The following NFIB variants were observed in gnomAD, a reference collection of about 807,000 sequenced individuals.
NFIB encodes the protein nuclear factor 1 B-type.
NFIB carries 11 observed loss-of-function variants against 61.5 expected under a neutral mutation model. The observed-to-expected ratio is 0.18, with a 90% CI of 0.11 to 0.30. The LOEUF is 0.30. Among genes scored for constraint, NFIB ranks in the 10% least tolerant of loss-of-function variants. NFIB has a pLI of 1.00. For synonymous variants in NFIB, 260 were observed against 216.5 expected (o/e 1.20, Z -1.76); for missense variants, 471 against 608.9 (o/e 0.77, Z 2.38).
At position 14,082,678 on chromosome 9, in the gene NFIB, T is replaced by TG. The variant is rs2032164310; in HGVS notation, c.*5630_*5631insC. ...GTAAACATTTTGCTGGTTTTTTTTT[T>TG]TTGTTTGTTTCTTTCTTGTTTTGCA... On this transcript the variant is annotated 3_prime_UTR_variant, in exon 11 of 11. Coordinates refer to ENST00000380953, the MANE Select transcript of NFIB (RefSeq NM_001190737.2). The TG allele has an allele frequency of 3.0e-5, 6 of 199,902 alleles. No individual in the cohort carries two copies. Among genetic ancestry groups the TG allele is most frequent in the East Asian group, 7.5e-5 (1 of 13,286 alleles). 12.4% of individuals were successfully genotyped at this position (199,902 alleles called of 1,614,324 possible).
At chr9:14,147,636 CTTTTTTT>C (rs34256054) in intron 5 of NFIB, among the ~76,000 whole-genome samples, 1 of 108,674 alleles carries the variant, frequency 9.2e-6, no homozygotes, top group Non-Finnish European at 1.7e-5. Flanking sequence ...TAAAATGATA[CTTTTTTT>C]TTTTTTTTTT....
chr9:14,324,913 A>G (rs2060735387), intron 1 of NFIB, among the ~76,000 whole-genome samples: 1 of 152,146 alleles, frequency 6.6e-6, no homozygotes, highest in Non-Finnish European at 1.5e-5. Flanking sequence ...AGCATGTCTT[A>G]GAGAAATTGG....
chr9:14,148,877 CT>C (rs2042570697), intron 5 of NFIB, among the ~76,000 whole-genome samples: 1 of 152,192 alleles, frequency 6.6e-6, no homozygotes, highest in Admixed American at 6.5e-5. Flanking sequence ...TTTTAACTCT[CT>C]TTTAAACATA....
chr9:14,221,484 G>C (rs2051668370), intron 2 of NFIB, among the ~76,000 whole-genome samples: 1 of 152,114 alleles, frequency 6.6e-6, no homozygotes, highest in Admixed American at 6.5e-5. Flanking sequence ...GAAAAACTGA[G>C]GCTCATGAGA....
At chr9:14,306,922 A>T in intron 2 of NFIB, 67 bp downstream of exon 2, 3 of 1,573,552 alleles carry the variant, frequency 1.9e-6, no homozygotes, top group Non-Finnish European at 2.6e-6. Context: ...CTCAAGCCAG[A>T]TACTCTGTCT....
the NFIB span, among the ~76,000 whole-genome samples, chr9:14,520,818 G>A: frequency 6.6e-6 from 1 of 152,204 alleles, no homozygotes; most frequent in African/African-American, 2.4e-5. Context: ...GGGTAAGGCT[G>A]CTTCATGAAT....
intron 2 of NFIB, among the ~76,000 whole-genome samples, chr9:14,189,260 T>G (rs1382079615): frequency 1.3e-5 from 2 of 152,186 alleles, no homozygotes; most frequent in Admixed American, 1.3e-4. Context: ...CTTTCTAATA[T>G]TTCATTGGCA....
At chr9:14,234,212 C>T (rs921754525) in intron 2 of NFIB, among the ~76,000 whole-genome samples, 4 of 152,052 alleles carry the variant, frequency 2.6e-5, no homozygotes, top group African/African-American at 7.3e-5. Context: ...GCATTCTCAG[C>T]ATCAAAAACC....
At chr9:14,183,394 T>C (rs1042402654) in intron 2 of NFIB, among the ~76,000 whole-genome samples, 2 of 150,564 alleles carry the variant, frequency 1.3e-5, no homozygotes, top group African/African-American at 5.0e-5. Context: ...GTCTGGTGTC[T>C]GGGAAAAAAA....
the NFIB span, among the ~76,000 whole-genome samples, chr9:14,440,097 T>G: frequency 6.6e-6 from 1 of 152,170 alleles, no homozygotes; most frequent in African/African-American, 2.4e-5. Context: ...TTTGTTCTTA[T>G]AGTGGTGACA....
chr9:14,468,410 G>A, the NFIB span, among the ~76,000 whole-genome samples: 2 of 152,170 alleles, frequency 1.3e-5, no homozygotes, highest in African/African-American at 2.4e-5. Flanking sequence ...CCAACATTTA[G>A]CGTAACATAA....
upstream of NFIB, among the ~76,000 whole-genome samples, chr9:14,318,914 A>G (rs2060601482): frequency 6.6e-6 from 1 of 152,158 alleles, no homozygotes; most frequent in Non-Finnish European, 1.5e-5. Context: ...GAGTACTACT[A>G]CTACTGTCTA....
chr9:14,425,576 A>C, the NFIB span, among the ~76,000 whole-genome samples: 2 of 145,548 alleles, frequency 1.4e-5, no homozygotes, highest in African/African-American at 5.1e-5. Flanking sequence ...TATGAATTTT[A>C]GTGTGATTGA....
chr9:14,232,986 G>A (rs1327805053), intron 2 of NFIB, among the ~76,000 whole-genome samples: 1 of 152,102 alleles, frequency 6.6e-6, no homozygotes, highest in Non-Finnish European at 1.5e-5. Flanking sequence ...CAAGAGGGCG[G>A]GTCTGCCTCT....
chr9:14,227,099 C>A (rs151261929), intron 2 of NFIB, among the ~76,000 whole-genome samples: 1 of 150,142 alleles, frequency 6.7e-6, no homozygotes, highest in Non-Finnish European at 1.5e-5. Context: ...CGAGATCACG[C>A]CATTGCACTC....
the NFIB span, among the ~76,000 whole-genome samples, chr9:14,520,408 T>C: frequency 6.6e-6 from 1 of 152,318 alleles, no homozygotes; most frequent in Admixed American, 6.5e-5. Flanking sequence ...CCGGCAGGCA[T>C]TACTTACTCT....
chr9:14,494,787 G>A, the NFIB span, among the ~76,000 whole-genome samples: 61,482 of 151,944 alleles, frequency 0.4, 13,978 homozygotes, highest in African/African-American at 0.6. Flanking sequence ...GCATGTTTGT[G>A]CCTCTGAAGT....
chr9:14,265,161 T>C (rs1342449906), intron 2 of NFIB, among the ~76,000 whole-genome samples: 1 of 152,200 alleles, frequency 6.6e-6, no homozygotes, highest in Non-Finnish European at 1.5e-5. Flanking sequence ...AGGTTGTATC[T>C]ACCACTATAG....
the NFIB span, among the ~76,000 whole-genome samples, chr9:14,500,257 T>C: frequency 8.5e-5 from 13 of 152,164 alleles, no homozygotes; most frequent in Non-Finnish European, 1.6e-4. Context: ...CCTGGCTTCT[T>C]AGCCTACATT....
Sources: gnomAD v4.1 joint callset for allele counts (sites outside exome capture counted in the v4.1 genomes callset) on GRCh38, gnomAD v4.1.1 for gene constraint, MANE v1.5 for transcripts, NCBI Gene and HGNC (gene_info 2026-07-23, HGNC 2026-07-21) for gene names.